Variants in MATR3 observed in about 807,000 individuals in gnomAD.
MATR3 encodes the protein matrin-3.
Under a neutral mutation model 85.5 loss-of-function variants are expected in MATR3, and 4 were observed. The ratio of observed to expected loss-of-function variants is 0.05; its 90% confidence interval spans 0.02 to 0.11. MATR3 has a LOEUF of 0.11. MATR3 is among the 10% of genes least tolerant of loss of function. MATR3 has a pLI of 1.00. For synonymous variants in MATR3, 336 were observed against 343.1 expected (o/e 0.98, Z 0.23); for missense variants, 685 against 1,016.1 (o/e 0.67, Z 4.43).
chr5:139,326,017 A>G (rs2152023805), intron 13 of MATR3, 146 bp from the exon 14 acceptor site: 1 of 722,788 alleles, frequency 1.4e-6, no homozygotes, highest in East Asian at 2.7e-5. Context: ...AAAGCAAAAT[A>G]TGGTTCGGTT....
rs760576225 is a variant in MATR3, at chr5:139,331,589, T to A, written c.*2194T>A. ...TTCCACTCATGTTTGCTGTAAAGTT[T>A]AAGAACATTTTTCCTACGGCTATGT... On this transcript the variant is annotated 3_prime_UTR_variant, in exon 15 of 15. Transcript: ENST00000394805. The A allele has an allele frequency of 2.5e-4, 113 of 454,142 alleles. No homozygotes were observed. Among genetic ancestry groups the A allele is most frequent in the South Asian group, 1.5e-3 (97 of 64,472 alleles). The allele number at this position is 454,142 out of a possible 1,614,324, so 28.1% of individuals were successfully genotyped here.
Position 139,323,831 on chromosome 5 carries a change from C to T in MATR3, c.2148+864C>T, listed in dbSNP as rs182928656. Among the ~76,000 whole-genome samples the T allele has an allele frequency of 5.3e-5, 8 of 152,062 alleles. No homozygotes were observed. In the East Asian group the frequency reaches 1.4e-3, roughly 26 times the overall value. On this transcript the variant is annotated intron_variant, in intron 12 of 14. Coordinates refer to ENST00000394805, the MANE Select transcript of MATR3 (RefSeq NM_018834.6). ...GCTTGAATCTGGGAGGCAGAAGTTG[C>T]AGTTAGCCAAGATCACATCACTGTA...
At chr5:139,322,331 T>C (rs1301622129) in intron 10 of MATR3, 132 bp from the exon 11 acceptor site, 1 of 873,926 alleles carries the variant, frequency 1.1e-6, no homozygotes, top group Non-Finnish European at 1.9e-6. Context: ...TGTAGGCAGC[T>C]TAGGTTCTCA....
chr5:139,291,980 T>A (rs1753888340), upstream of MATR3: 1 of 137,158 alleles, frequency 7.3e-6, no homozygotes, highest in South Asian at 2.4e-4. Flanking sequence ...AATGTCTGAC[T>A]CTGTAGCCCA....
chr5:139,291,972 T>C (rs1280629388), upstream of MATR3: 1 of 132,398 alleles, frequency 7.6e-6, no homozygotes, highest in Non-Finnish European at 1.6e-5. Context: ...TTTGAGACAA[T>C]GTCTGACTCT....
At chr5:139,325,196 A>AT in intron 12 of MATR3, 4 of 1,476,394 alleles carry the variant, frequency 2.7e-6, no homozygotes, top group Non-Finnish European at 3.6e-6. Flanking sequence ...CCGTCTCAAA[A>AT]AAAAAAAGGC....
chr5:139,330,752 A>G lies in MATR3; in HGVS notation c.*1357A>G. 4.4e-6 allele frequency: 2 copies of G among 454,132 alleles called. No homozygotes were observed. Among genetic ancestry groups the G allele is most frequent in the South Asian group, 1.6e-5 (1 of 64,478 alleles). 28.1% of individuals were successfully genotyped at this position (454,132 alleles called of 1,614,324 possible). A position where few individuals can be genotyped will look rare whatever the true frequency, so the allele number is the denominator to read the frequency against. On this transcript the variant is annotated 3_prime_UTR_variant, in exon 15 of 15. Transcript: ENST00000394805. ...AGAATTAGTTCTGCAGCTTTTCAAA[A>G]TAATTACGTAGAGACTCTTGGTATA... is the stretch of plus-strand genomic sequence containing the variant.
At chr5:139,278,235 ATAT>A in intron 2 of MATR3, 1 of 367,104 alleles carries the variant, frequency 2.7e-6, no homozygotes, top group Admixed American at 2.9e-5. Context: ...CTCAAAAAAT[ATAT>A]ATATATATAT....
At chr5:139,317,796 G>A in intron 7 of MATR3, 75 bp downstream of exon 7, 3 of 1,392,342 alleles carry the variant, frequency 2.2e-6, no homozygotes, top group Non-Finnish European at 3.0e-6. Context: ...AAATGATTTT[G>A]TATTAGAAAA....
intron 1 of MATR3, among the ~76,000 whole-genome samples, chr5:139,302,202 A>G (rs185881742): frequency 9.9e-5 from 15 of 152,216 alleles, no homozygotes; most frequent in Non-Finnish European, 2.1e-4. Context: ...ACCTCAGGTA[A>G]TCTGCCCGCC....
At chr5:139,304,526 A>G (rs932404467) in intron 1 of MATR3, among the ~76,000 whole-genome samples, 1 of 151,738 alleles carries the variant, frequency 6.6e-6, no homozygotes. Flanking sequence ...GAATTTGGTT[A>G]TCAAGATTGT....
At chr5:139,291,559 C>T (rs941808628), upstream of MATR3, among the ~76,000 whole-genome samples, 4 of 151,854 alleles carry the variant, frequency 2.6e-5, no homozygotes, top group Non-Finnish European at 4.4e-5. Context: ...TTTTTTGAAA[C>T]GGAGTTTTGC....
chr5:139,276,074 AC>A (rs1753266428), intron 1 of MATR3: 1 of 456,650 alleles, frequency 2.2e-6, no homozygotes, highest in Non-Finnish European at 4.4e-6. Context: ...TCTGAGCTGC[AC>A]ACGTGTTCAC....
At chr5:139,325,184 C>T (rs1755784012) in intron 12 of MATR3, 3 of 1,419,492 alleles carry the variant, frequency 2.1e-6, no homozygotes, top group South Asian at 1.5e-5. Context: ...CAGAGCAAGA[C>T]TCCGTCTCAA....
upstream of MATR3, among the ~76,000 whole-genome samples, chr5:139,289,100 C>T (rs1753795774): frequency 6.6e-6 from 1 of 152,312 alleles, no homozygotes; most frequent in South Asian, 2.1e-4. Context: ...GAGGGAAGCC[C>T]CAGCCCTTGA....
At position 139,317,095 on chromosome 5, in the gene MATR3, A is replaced by G. The variant is rs1755288211; in HGVS notation, c.1172A>G (p.Lys391Arg). ...CTGCAAGGACCTAGACACATGCAGA[A>G]AGGCAGAGTGGTCAGTAATGAAGCT... is the stretch of plus-strand genomic sequence containing the variant. ...GNLQGPRHMQ[K>R]GRVETSRVVH... The change falls in exon 6 of 15, where the codon AAA becomes AGA. Residue 391 changes from lysine to arginine, a missense_variant. Physicochemically the swap from Lys to Arg is conservative, Grantham distance 26. Around this residue, in one of 9 missense-constraint regions of MATR3, gnomAD observed 223 missense variants for 334.4 expected, o/e 0.67. Transcript: ENST00000394805. 1 of 1,613,974 alleles carries G rather than the reference A, an allele frequency of 6.2e-7. No individual in the cohort carries two copies. Among genetic ancestry groups the G allele is most frequent in the African/African-American group, 1.3e-5 (1 of 74,926 alleles).
chr5:139,304,683 T>C (rs1262683007), intron 1 of MATR3, among the ~76,000 whole-genome samples: 1 of 152,188 alleles, frequency 6.6e-6, no homozygotes, highest in Non-Finnish European at 1.5e-5. Flanking sequence ...AAATTGGATT[T>C]TGATAATAAA....
rs1175352631 is a variant in MATR3, at chr5:139,307,018, C to T, written c.-177-221C>T. 6.6e-6 allele frequency among the ~76,000 whole-genome samples: 1 copy of T among 152,084 alleles called. No individual in the cohort carries two copies. Among genetic ancestry groups the T allele is most frequent in the South Asian group, 2.1e-4 (1 of 4,824 alleles). ...GTTTTTAAACTCAGTATGAAAGTCC[C>T]TTTAATAGTTAAGCTTTAGCATGAA... On this transcript the variant is annotated intron_variant, in intron 1 of 14. Coordinates refer to ENST00000394805, the MANE Select transcript of MATR3 (RefSeq NM_018834.6). The surrounding 1 kb of genome is among the most constrained non-coding windows in gnomAD (Gnocchi z 4.4).
At chr5:139,282,467 C>T (rs1209119790) in intron 3 of MATR3, among the ~76,000 whole-genome samples, 4 of 152,088 alleles carry the variant, frequency 2.6e-5, no homozygotes, top group Non-Finnish European at 5.9e-5. Context: ...TGTGCTGCTT[C>T]TTAAGGGTGA....
Sources: allele counts gnomAD v4.1 joint callset (sites outside exome capture counted in the v4.1 genomes callset), GRCh38; gene constraint gnomAD v4.1.1; regional missense constraint gnomAD v4.1.1; non-coding constraint Gnocchi (gnomAD v3.1); transcripts MANE v1.5; gene names NCBI Gene and HGNC (gene_info 2026-07-23, HGNC 2026-07-21).